Variants in DMPK observed in about 807,000 individuals in gnomAD.
DMPK encodes the protein DM1 protein kinase.
In DMPK, 32 loss-of-function variants were observed where a neutral mutation model predicts 70.3. The ratio of observed to expected loss-of-function variants is 0.46; its 90% confidence interval spans 0.34 to 0.61. The LOEUF is 0.61. Among genes scored for constraint, DMPK ranks in the 20% least tolerant of loss-of-function variants. The probability of loss-of-function intolerance (pLI) is 0.01; values close to 1 mark genes in which losing one functional copy is unlikely to be tolerated. For synonymous variants in DMPK, 469 were observed against 390.9 expected, an observed-to-expected ratio of 1.20 and a Z score of -2.36; for missense variants, 899 against 886.0, an observed-to-expected ratio of 1.01 and a Z score of -0.19.
In DMPK at chr19:45,774,914, C is replaced by T. The variant is rs201781936; in HGVS notation, c.1232+35G>A. On this transcript the variant is annotated intron_variant, in intron 9 of 14. Transcript: ENST00000291270. ...AGGACCCAGGAAGCTCAAGCAGCCT[C>T]GTGGCCCCTGGAGGCCGTCCAGGGC... 1.8e-5 allele frequency: 28 copies of T among 1,560,124 alleles called. No individual in the cohort carries two copies. The East Asian group carries it at 2.9e-4, about 16-fold the overall frequency.
chr19:45,771,700 C>T (rs1056201870), intron 11 of DMPK, 35 bp from the exon 12 acceptor site: 9 of 1,612,666 alleles, frequency 5.6e-6, no homozygotes, highest in Non-Finnish European at 7.6e-6. Context: ...TCCGTCCGGG[C>T]CGGACGAGAG....
chr19:45,779,098 G>C (rs1969956972), intron 4 of DMPK, 166 bp downstream of exon 4: 1 of 686,358 alleles, frequency 1.5e-6, no homozygotes, highest in African/African-American at 1.8e-5. Flanking sequence ...GTCTCAGATA[G>C]GGAAGGCCCC....
intron 1 of DMPK, 147 bp downstream of exon 1, chr19:45,782,046 A>G (rs894014584): frequency 9.7e-6 from 7 of 723,822 alleles, no homozygotes; most frequent in Non-Finnish European, 1.5e-5. Flanking sequence ...CCCAGGGCCC[A>G]GGTCCACACT....
rs534901766 is a variant in DMPK at position 45,771,761 on chromosome 19, C to T, written c.1502+10G>A. ...CGCATCCCGGCCCCGGCCCCGGCCC[C>T]GATCCCGACCTGGCGAAGTTCTGGT... On this transcript the variant is annotated intron_variant, in intron 11 of 14. Transcript: ENST00000291270. 163 of 1,582,498 alleles carry T rather than the reference C, an allele frequency of 1.0e-4. 1 individual carries two copies. The South Asian group carries it at 1.7e-3, about 16-fold the overall frequency.
At chr19:45,782,109 C>G in intron 1 of DMPK, 84 bp downstream of exon 1, 1 of 878,260 alleles carries the variant, frequency 1.1e-6, no homozygotes, top group Non-Finnish European at 1.6e-6. Flanking sequence ...ATCCTGCCCC[C>G]CCAACAGCCA....
At chr19:45,776,779 C>G (rs1281015245) in intron 8 of DMPK, 1 of 152,912 alleles carries the variant, frequency 6.5e-6, no homozygotes, top group Non-Finnish European at 1.5e-5. Flanking sequence ...TTTCTTGTAT[C>G]CTGTTGCTTC....
At position 45,771,010 on chromosome 19, in the gene DMPK, T is replaced by C. The variant is rs766983979; in HGVS notation, c.1698A>G (p.Pro566=). The C allele has an allele frequency of 6.8e-7, 1 of 1,472,862 alleles. No individual in the cohort carries two copies. The highest frequency in any genetic ancestry group is 1.4e-5 in the South Asian group (1 of 73,048). 91.2% of individuals were successfully genotyped at this position (1,472,862 alleles called of 1,614,324 possible). The change falls in exon 14 of 15, where the codon CCA becomes CCG. Residue 566 remains proline, a synonymous_variant. Transcript: ENST00000291270. Reference sequence around the variant, plus strand: ...GCAGGTGGCGGCGGTGCATGGGGCCTGGCCCCACCAGCGGGCACTGGCCCA... The same window carrying C: ...GCAGGTGGCGGCGGTGCATGGGGCCCGGCCCCACCAGCGGGCACTGGCCCA... The part of the protein sequence containing the change: ...VAVGQCPLVG[P]GPMHRRHLLL...
Position 45,777,474 on chromosome 19 carries a change from G to C in DMPK, c.999C>G (p.Phe333Leu), listed in dbSNP as rs774862968. 3 of 1,613,454 alleles carry C rather than the reference G, an allele frequency of 1.9e-6. No individual in the cohort carries two copies. The highest frequency in any genetic ancestry group is 2.5e-6 in the Non-Finnish European group (3 of 1,180,036). Reference protein sequence around the residue: ...TRLGRGGAGDFRTHPFFFGLD... With the variant: ...TRLGRGGAGDLRTHPFFFGLD... ...GGCCAAAGAAGAAGGGATGTGTCCG[G>C]AAGTCGCCTGCTCCACCCCGGCCCA... Residue 333 changes from phenylalanine to leucine, a missense_variant, in exon 8 of 15, where the codon TTC becomes TTG. By Grantham distance (22) the Phe-to-Leu change is conservative. This residue lies in a region of DMPK where 555 missense variants were observed against 483.8 expected (regional missense o/e 1.15). Coordinates refer to ENST00000291270, the MANE Select transcript of DMPK (RefSeq NM_004409.5). The surrounding 1 kb of genome is among the most constrained non-coding windows in gnomAD (Gnocchi z 6.7).
chr19:45,779,961 C>T (rs777284682), intron 1 of DMPK, 92 bp from the exon 2 acceptor site: 2 of 1,588,904 alleles, frequency 1.3e-6, no homozygotes, highest in Non-Finnish European at 1.7e-6. Context: ...GTCTCCCCTT[C>T]TCTCTGCCTC....
Position 45,771,862 on chromosome 19 carries a change from G to C in DMPK, c.1411C>G (p.Leu471Val). ...ACCTCCTCCTCCAGGGCTTCCTGGA[G>C]CTCCCGCAGCGTCACCTCGGCCTCA... Reference protein sequence around the residue: ...EAEAEVTLRELQEALEEEVLT... With the variant: ...EAEAEVTLREVQEALEEEVLT... The change falls in exon 11 of 15, where the codon CTC becomes GTC. Residue 471 changes from leucine to valine, a missense_variant. By Grantham distance (32) the Leu-to-Val change is conservative (BLOSUM62 1). Around this residue, in one of 3 missense-constraint regions of DMPK, gnomAD observed 555 missense variants for 483.8 expected, o/e 1.15. Coordinates refer to ENST00000291270, the MANE Select transcript of DMPK (RefSeq NM_004409.5). 1.3e-6 allele frequency: 2 copies of C among 1,582,784 alleles called. No homozygotes were observed. The highest frequency in any genetic ancestry group is 3.3e-4 in the Middle Eastern group (2 of 6,028).
At position 45,770,555 on chromosome 19, in the gene DMPK, C is replaced by T; in HGVS notation, c.1823G>A (p.Gly608Glu). 1 of 1,551,110 alleles carries T rather than the reference C, an allele frequency of 6.4e-7. No individual in the cohort carries two copies. Among genetic ancestry groups the T allele is most frequent in the African/African-American group, 1.4e-5 (1 of 73,184 alleles). Residue 608 changes from glycine (G) to glutamate (E), a missense_variant, in exon 15 of 15, where the codon GGG (glycine) becomes GAG (glutamate). By Grantham distance (98) the Gly-to-Glu change is moderately conservative. Around this residue, in one of 3 missense-constraint regions of DMPK, gnomAD observed 555 missense variants for 483.8 expected, o/e 1.15. Coordinates refer to ENST00000291270, the MANE Select transcript of DMPK (RefSeq NM_004409.5). ...LSRAAALGCI[G>E]LVAHAGQLTA... Reference sequence around the variant, plus strand: ...GAGTTGGCCGGCGTGGGCCACCAACCCAATGCAGCCCAGGGCGGCGGCACG... The same window carrying T: ...GAGTTGGCCGGCGTGGGCCACCAACTCAATGCAGCCCAGGGCGGCGGCACG...
At position 45,778,500 on chromosome 19, in the gene DMPK, C is replaced by G. The variant is rs145330026; in HGVS notation, c.574G>C (p.Val192Leu). The G allele has an allele frequency of 2.5e-6, 4 of 1,613,516 alleles. No individual in the cohort carries two copies. The highest frequency in any genetic ancestry group is 3.4e-6 in the Non-Finnish European group (4 of 1,179,980). Residue 192 changes from valine (V) to leucine (L), a missense_variant, in exon 5 of 15, where the codon GTG becomes CTG. Val to Leu is a conservative substitution (Grantham distance 32). Coordinates refer to ENST00000291270, the MANE Select transcript of DMPK (RefSeq NM_004409.5). ...CGGCCATGCTGCACCCACCTGTGCA[C>G]GTAGCCAAGCCGGTGCACCGAGTCT... The part of the protein sequence containing the change: ...AIDSVHRLGY[V>L]HRDIKPDNIL...
chr19:45,779,512 A>G lies in DMPK; in HGVS notation c.263T>C (p.Val88Ala). ...CACCTGGCCCGTCTGCTTCATCTTCACTACCGCTACCTGAGGTCGAGATAG... is the reference window on the plus strand; with the variant it reads ...CACCTGGCCCGTCTGCTTCATCTTCGCTACCGCTACCTGAGGTCGAGATAG... ...GRGAFSEVAV[V>A]KMKQTGQVYA... is the part of the protein sequence containing the mutation. Residue 88 changes from valine (V) to alanine (A), a missense_variant, in exon 3 of 15, where the codon GTG becomes GCG. This residue lies in a region of DMPK where 149 missense variants were observed against 142.5 expected (regional missense o/e 1.05). Coordinates refer to ENST00000291270, the MANE Select transcript of DMPK (RefSeq NM_004409.5). 2 of 1,613,380 alleles carry G rather than the reference A, an allele frequency of 1.2e-6. No homozygotes were observed. Among genetic ancestry groups the G allele is most frequent in the Non-Finnish European group, 1.7e-6 (2 of 1,179,924 alleles).
At chr19:45,780,923 C>T (rs1157555973) in intron 1 of DMPK, among the ~76,000 whole-genome samples, 2 of 152,016 alleles carry the variant, frequency 1.3e-5, no homozygotes, top group African/African-American at 2.4e-5. Context: ...GTGCTCCTCC[C>T]GGGAGCGCCA....
chr19:45,779,859 G>C lies in DMPK; in HGVS notation c.171C>G (p.Ile57Met). 4 of 1,612,790 alleles carry C rather than the reference G, an allele frequency of 2.5e-6. No individual in the cohort carries two copies. The highest frequency in any genetic ancestry group is 3.4e-6 in the Non-Finnish European group (4 of 1,179,522). The change falls in exon 2 of 15, where the codon ATC becomes ATG. Residue 57 changes from isoleucine to methionine, a missense_variant. By Grantham distance (10) the Ile-to-Met change is conservative. Transcript: ENST00000291270. ...VADFLQWAEP[I>M]VVRLKEVRLQ... ...GTCGGACCTCCTTAAGCCTCACCACGATGGGCTCCGCTGGGGGGGTGGTGG... is the reference window on the plus strand; with the variant it reads ...GTCGGACCTCCTTAAGCCTCACCACCATGGGCTCCGCTGGGGGGGTGGTGG...
rs763784457 is a variant in DMPK, at chr19:45,779,924, C to CA, written c.161-56dup. ...GGGTCACCAGAAAGGGCACTGGAGACAAGGGGGAAAGCCCCACCCTCTGTC... is the reference window on the plus strand; with the variant it reads ...GGGTCACCAGAAAGGGCACTGGAGACAAAGGGGGAAAGCCCCACCCTCTGTC... On this transcript the variant is annotated intron_variant, in intron 1 of 14. Transcript: ENST00000291270. 52 of 1,612,800 alleles carry CA rather than the reference C, an allele frequency of 3.2e-5. No individual in the cohort carries two copies. In the African/African-American group the frequency reaches 6.8e-4, roughly 21 times the overall value.
At position 45,770,574 on chromosome 19, in the gene DMPK, C is replaced by A; in HGVS notation, c.1804G>T (p.Ala602Ser). ...ACCAACCCAATGCAGCCCAGGGCGGCGGCACGAGACAGAACAACGGCGAAC... is the reference window on the plus strand; with the variant it reads ...ACCAACCCAATGCAGCCCAGGGCGGAGGCACGAGACAGAACAACGGCGAAC... ...LLFAVVLSRA[A>S]ALGCIGLVAH... Residue 602 changes from alanine (A) to serine (S), a missense_variant, in exon 15 of 15, where the codon GCC becomes TCC. Physicochemically the swap from Ala to Ser is moderately conservative, Grantham distance 99. This residue lies in a region of DMPK where 555 missense variants were observed against 483.8 expected (regional missense o/e 1.15). Coordinates refer to ENST00000291270, the MANE Select transcript of DMPK (RefSeq NM_004409.5). The A allele has an allele frequency of 1.3e-6, 2 of 1,551,770 alleles. No individual in the cohort carries two copies. The highest frequency in any genetic ancestry group is 1.2e-5 in the South Asian group (1 of 84,104).
Position 45,770,200 on chromosome 19 carries a change from C to G in DMPK, c.*288G>C. On this transcript the variant is annotated 3_prime_UTR_variant, in exon 15 of 15. Transcript: ENST00000291270. ...CCGAAAGAAAGAAATGGTCTGTGAT[C>G]CCCCCAGCAGCAGCAGCAGCAGCAG... The G allele has an allele frequency of 3.3e-6, 2 of 597,050 alleles. No homozygotes were observed. Among genetic ancestry groups the G allele is most frequent in the Non-Finnish European group, 2.8e-6 (1 of 354,796 alleles). The allele number at this position is 597,050 out of a possible 1,614,324, so 37.0% of individuals were successfully genotyped here.
rs1054333312 is a variant in DMPK, at chr19:45,771,143, G to A, written c.1648-83C>T. 9 of 1,237,694 alleles carry A rather than the reference G, an allele frequency of 7.3e-6. No individual in the cohort carries two copies. The East Asian group carries it at 2.3e-4, about 32-fold the overall frequency. The allele number at this position is 1,237,694 out of a possible 1,614,324, so 76.7% of individuals were successfully genotyped here. The stretch of plus-strand genomic sequence containing the variant: ...GGCGAGAGACAGCGAGGGGAATCGA[G>A]GTTGGGGAGGTTATCTAGGGAGATC... On this transcript the variant is annotated intron_variant, in intron 13 of 14. Coordinates refer to ENST00000291270, the MANE Select transcript of DMPK (RefSeq NM_004409.5).
Sources: gnomAD v4.1 joint callset for allele counts (sites outside exome capture counted in the v4.1 genomes callset) on GRCh38, gnomAD v4.1.1 for gene constraint, gnomAD v4.1.1 regional missense constraint, Gnocchi (gnomAD v3.1) non-coding constraint, MANE v1.5 for transcripts, NCBI Gene and HGNC (gene_info 2026-07-23, HGNC 2026-07-21) for gene names.